PKHD1: variants seen among roughly 807,000 people sequenced by gnomAD.
PKHD1 encodes the protein fibrocystin.
PKHD1 carries 291 observed loss-of-function variants against 412.0 expected under a neutral mutation model. The observed-to-expected ratio is 0.71, with a 90% CI of 0.64 to 0.78. The LOEUF is 0.78. Ranked by LOEUF, PKHD1 falls within the 30% of genes least tolerant of loss-of-function variation. The pLI, the probability that PKHD1 is intolerant of heterozygous loss-of-function variation, is 0.00. For missense variants in PKHD1, 4,825 were observed against 4,950.7 expected, an observed-to-expected ratio of 0.97 and a Z score of 0.76; for synonymous variants, 1,777 against 1,821.5, an observed-to-expected ratio of 0.98 and a Z score of 0.62.
chr6:51,833,951 C>G (rs1284596356), intron 51 of PKHD1, among the ~76,000 whole-genome samples: 1 of 152,084 alleles, frequency 6.6e-6, no homozygotes, highest in Non-Finnish European at 1.5e-5. Context: ...TGAGGCCTCT[C>G]CTTGCTTCCC....
At chr6:51,860,718 AT>A (rs1430047853) in intron 48 of PKHD1, among the ~76,000 whole-genome samples, 1 of 152,194 alleles carries the variant, frequency 6.6e-6, no homozygotes, top group Non-Finnish European at 1.5e-5. Flanking sequence ...CCTGTCTATG[AT>A]CAAAAAGACA....
intron 45 of PKHD1, among the ~76,000 whole-genome samples, chr6:51,884,798 G>T (rs1777944203): frequency 6.6e-6 from 1 of 152,100 alleles, no homozygotes; most frequent in Non-Finnish European, 1.5e-5. Flanking sequence ...GCCCCTGCAG[G>T]TATAAATCAC....
intron 53 of PKHD1, among the ~76,000 whole-genome samples, chr6:51,790,223 G>A (rs563131750): frequency 6.6e-6 from 1 of 152,014 alleles, no homozygotes; most frequent in Non-Finnish European, 1.5e-5. Flanking sequence ...TCTTCTTCCT[G>A]GGGCAAAGTA....
intron 60 of PKHD1, among the ~76,000 whole-genome samples, chr6:51,728,062 T>G (rs1392800176): frequency 5.3e-5 from 8 of 152,176 alleles, no homozygotes; most frequent in Non-Finnish European, 4.4e-5. Flanking sequence ...TGCACATTTA[T>G]TTACCTAAAT....
At chr6:51,885,749 C>T (rs1442774971) in intron 45 of PKHD1, 118 bp downstream of exon 45, 7 of 743,140 alleles carry the variant, frequency 9.4e-6, no homozygotes, top group African/African-American at 8.7e-5. Context: ...GCAATGCTCC[C>T]CTCAAGGGCA....
In PKHD1 at chr6:52,022,944, C is replaced by G. The variant is rs751985865; in HGVS notation, c.5237G>C (p.Gly1746Ala). The change falls in exon 33 of 67, where the codon GGC becomes GCC. Residue 1746 changes from glycine to alanine, a missense_variant and splice_region_variant. Gly to Ala is a moderately conservative substitution (Grantham distance 60). Transcript: ENST00000371117. ...VIITAVTENFGCLGGRLVHVF... is the reference protein window; with the variant it reads ...VIITAVTENFACLGGRLVHVF... The stretch of plus-strand genomic sequence containing the variant: ...ATGCACCAGCCTTCCACCCAGGCAG[C>G]CTTTAAAGACAAAGGTACAAGTTCT... The G allele has an allele frequency of 6.2e-7, 1 of 1,614,102 alleles. No homozygotes were observed. The highest frequency in any genetic ancestry group is 1.1e-5 in the South Asian group (1 of 91,064).
At chr6:52,019,140 A>C (rs1473305282) in intron 33 of PKHD1, among the ~76,000 whole-genome samples, 2 of 152,218 alleles carry the variant, frequency 1.3e-5, no homozygotes, top group Non-Finnish European at 2.9e-5. Flanking sequence ...GCTCTGTCTG[A>C]AAACCTTAAT....
At chr6:52,027,082 C>G (rs896592249) in intron 31 of PKHD1, among the ~76,000 whole-genome samples, 1 of 152,220 alleles carries the variant, frequency 6.6e-6, no homozygotes, top group African/African-American at 2.4e-5. Context: ...TTTCATCTGT[C>G]TCTCTCATGG....
intron 46 of PKHD1, among the ~76,000 whole-genome samples, chr6:51,881,176 A>AT (rs138007555): frequency 0.059 from 8,692 of 148,186 alleles, 840 homozygotes; most frequent in African/African-American, 0.2. Context: ...AGATTAATAG[A>AT]TTTTTTTTTG....
chr6:51,932,641 G>T (rs1786821503), intron 37 of PKHD1, among the ~76,000 whole-genome samples: 1 of 152,222 alleles, frequency 6.6e-6, no homozygotes, highest in African/African-American at 2.4e-5. Context: ...AATCAATGTA[G>T]TTGCTTGCTG....
chr6:51,989,948 AAAG>A (rs1796797169), intron 35 of PKHD1, among the ~76,000 whole-genome samples: 2 of 46,326 alleles, frequency 4.3e-5, no homozygotes, highest in Non-Finnish European at 4.3e-5. Flanking sequence ...AGGAAGGAAG[AAAG>A]GAAGGAAAGA....
intron 66 of PKHD1, 73 bp from the exon 67 acceptor site, chr6:51,619,593 G>A: frequency 8.3e-7 from 1 of 1,209,242 alleles, no homozygotes; most frequent in African/African-American, 1.5e-5. Context: ...TGCATACTTA[G>A]CATTTCTGAC....
At chr6:51,629,235 G>A (rs1390550764) in intron 65 of PKHD1, among the ~76,000 whole-genome samples, 2 of 152,036 alleles carry the variant, frequency 1.3e-5, no homozygotes, top group Non-Finnish European at 2.9e-5. Context: ...AAACTAAAGA[G>A]CTTCTTCACA....
intron 36 of PKHD1, among the ~76,000 whole-genome samples, chr6:51,941,937 A>C (rs1788653643): frequency 6.6e-6 from 1 of 151,340 alleles, no homozygotes; most frequent in Non-Finnish European, 1.5e-5. Context: ...TCTGTTACCT[A>C]TCATGGCGTA....
intron 48 of PKHD1, among the ~76,000 whole-genome samples, chr6:51,859,299 G>C (rs1050935327): frequency 7.2e-5 from 11 of 151,938 alleles, no homozygotes; most frequent in African/African-American, 2.4e-4. Context: ...CGCCGAGGCG[G>C]GTGGATCATG....
chr6:51,982,813 A>T (rs1463586409), intron 35 of PKHD1, among the ~76,000 whole-genome samples: 14 of 139,626 alleles, frequency 1.0e-4, no homozygotes, highest in Admixed American at 9.5e-4. Context: ...CAATAAAAAA[A>T]AAAATAATAA....
In PKHD1 at chr6:52,010,471, G is replaced by T. The variant is rs763704812; in HGVS notation, c.5601-12C>A. The T allele has an allele frequency of 1.3e-6, 2 of 1,567,246 alleles. No homozygotes were observed. The highest frequency in any genetic ancestry group is 2.7e-5 in the African/African-American group (2 of 74,060). Reference sequence around the variant, plus strand: ...TTTCCAATTTAGGGCTGAAACGAGAGGGGAGGTTAAATGGGGTGTCATCAA... The same window carrying T: ...TTTCCAATTTAGGGCTGAAACGAGATGGGAGGTTAAATGGGGTGTCATCAA... On this transcript the variant is annotated splice_polypyrimidine_tract_variant and intron_variant, in intron 34 of 66. Transcript: ENST00000371117.
chr6:51,747,642 A>T, intron 58 of PKHD1, 145 bp downstream of exon 58: 2 of 688,688 alleles, frequency 2.9e-6, no homozygotes, highest in Non-Finnish European at 5.1e-6. Flanking sequence ...ATAAACTACC[A>T]TTGTGGCTAT....
intron 51 of PKHD1, among the ~76,000 whole-genome samples, chr6:51,834,438 A>C (rs1768825797): frequency 6.6e-6 from 1 of 152,198 alleles, no homozygotes; most frequent in Non-Finnish European, 1.5e-5. Flanking sequence ...TACATATTAC[A>C]TACTCATATC....
Sources: gnomAD v4.1 joint callset for allele counts (sites outside exome capture counted in the v4.1 genomes callset) on GRCh38, gnomAD v4.1.1 for gene constraint, MANE v1.5 for transcripts, NCBI Gene and HGNC (gene_info 2026-07-23, HGNC 2026-07-21) for gene names.